Variants in RYR3 observed in about 807,000 individuals in gnomAD.
RYR3 encodes the protein brain ryanodine receptor-calcium release channel.
In RYR3, 207 loss-of-function variants were observed where a neutral mutation model predicts 584.3. The ratio of observed to expected loss-of-function variants is 0.35; its 90% CI spans 0.32 to 0.40. The LOEUF is 0.40. Ranked by LOEUF, RYR3 falls within the 10% of genes least tolerant of loss-of-function variation. The pLI, the probability that RYR3 is intolerant of heterozygous loss-of-function variation, is 1.00. For missense variants in RYR3, 5,616 were observed against 6,089.2 expected (o/e 0.92, Z 2.59); for synonymous variants, 2,416 against 2,248.5 (o/e 1.07, Z -2.11).
intron 7 of RYR3, among the ~76,000 whole-genome samples, chr15:33,543,102 A>G (rs989512210): frequency 3.9e-5 from 6 of 152,124 alleles, no homozygotes; most frequent in African/African-American, 1.4e-4. Flanking sequence ...AGGAGTAGCA[A>G]CCAGATTTGA....
In RYR3 at chr15:33,844,851, T is replaced by C; in HGVS notation, c.13297-11T>C. ...TTGATGTTTAATAAGCGAGTGTGTA[T>C]TTTGAGCCAGGTCACTGAAGAACCT... is the stretch of plus-strand genomic sequence containing the variant. On this transcript the variant is annotated splice_polypyrimidine_tract_variant and intron_variant, in intron 92 of 103. Transcript: ENST00000634891. 6.2e-7 allele frequency: 1 copy of C among 1,612,398 alleles called. No homozygotes were observed. The highest frequency in any genetic ancestry group is 8.5e-7 in the Non-Finnish European group (1 of 1,179,026).
At chr15:33,403,681 CAG>C (rs1451880990) in intron 1 of RYR3, among the ~76,000 whole-genome samples, 1 of 152,064 alleles carries the variant, frequency 6.6e-6, no homozygotes, top group African/African-American at 2.4e-5. Context: ...TAAAATGAAT[CAG>C]ATTTTTTCAG....
At chr15:33,367,715 T>C (rs917970378) in intron 1 of RYR3, among the ~76,000 whole-genome samples, 1 of 152,170 alleles carries the variant, frequency 6.6e-6, no homozygotes, top group Non-Finnish European at 1.5e-5. Flanking sequence ...TTTTATAGCA[T>C]AGTGTGACTA....
intron 87 of RYR3, 34 bp from the exon 88 acceptor site, chr15:33,836,872 G>C (rs367932535): frequency 1.9e-6 from 3 of 1,573,882 alleles, no homozygotes; most frequent in Non-Finnish European, 2.6e-6. Flanking sequence ...TGAGGGATCA[G>C]ATAGCTCAGG....
At chr15:33,809,381 C>T (rs536642112) in intron 70 of RYR3, among the ~76,000 whole-genome samples, 2 of 152,306 alleles carry the variant, frequency 1.3e-5, no homozygotes, top group South Asian at 2.1e-4. Flanking sequence ...CTACCCAGCC[C>T]TCCCCACTTC....
rs1204611593 is a variant in RYR3, at chr15:33,586,028, C to T, written c.1700C>T (p.Thr567Ile). ...GILEVLHCIL[T>I]ESPEALNLIA... is the part of the protein sequence containing the mutation. ...TTGGAAGTTTTGCACTGCATCTTAA[C>T]TGAAAGCCCAGAAGCCTTAAATCTG... is the stretch of plus-strand genomic sequence containing the variant. Residue 567 changes from threonine (T) to isoleucine (I), a missense_variant, in exon 16 of 104, where the codon ACT (threonine) becomes ATT (isoleucine). Thr to Ile is a moderately conservative substitution (Grantham distance 89). Coordinates refer to ENST00000634891, the MANE Select transcript of RYR3 (RefSeq NM_001036.6). 3.1e-6 allele frequency: 5 copies of T among 1,613,114 alleles called. No individual in the cohort carries two copies. The African/African-American group carries it at 6.7e-5, about 22-fold the overall frequency.
chr15:33,813,018 A>AT lies in RYR3; in HGVS notation c.10389+25dup, dbSNP rs771944383. The AT allele has an allele frequency of 6.8e-6, 11 of 1,613,236 alleles. No individual in the cohort carries two copies. The African/African-American group carries it at 1.3e-4, about 20-fold the overall frequency. ...AGGTAAGGAGCATCTGCCCTGAGGA[A>AT]TGGGGAAGCAGAAACACCCTGGACC... On this transcript the variant is annotated intron_variant, in intron 73 of 103. Transcript: ENST00000634891.
At chr15:33,509,610 G>C (rs925139551) in intron 3 of RYR3, among the ~76,000 whole-genome samples, 4 of 152,164 alleles carry the variant, frequency 2.6e-5, no homozygotes, top group African/African-American at 9.7e-5. Flanking sequence ...CACTTCAGGA[G>C]AGTTCATAAG....
chr15:33,482,035 C>T (rs912923082), intron 2 of RYR3, among the ~76,000 whole-genome samples: 1 of 151,972 alleles, frequency 6.6e-6, no homozygotes, highest in African/African-American at 2.4e-5. Flanking sequence ...TTTCAGTGCT[C>T]TTTTTTTCTC....
rs2049748129 is a variant in RYR3 at position 33,479,425 on chromosome 15, T to A, written c.171+5887T>A. Reference sequence around the variant, plus strand: ...ATGAAAGACCAGGCTATTATAAAACTTTAAAAAAAAAAAACTCCCTTATCA... The same window carrying A: ...ATGAAAGACCAGGCTATTATAAAACATTAAAAAAAAAAAACTCCCTTATCA... On this transcript the variant is annotated intron_variant, in intron 2 of 103. Transcript: ENST00000634891. 4.8e-5 allele frequency among the ~76,000 whole-genome samples: 5 copies of A among 104,988 alleles called. No individual in the cohort carries two copies. In the South Asian group the frequency reaches 1.2e-3, roughly 26 times the overall value. The allele number at this position is 104,988 out of a possible 152,430, so 68.9% of individuals were successfully genotyped here. A position where few individuals can be genotyped will look rare whatever the true frequency, so the allele number is the denominator to read the frequency against.
At chr15:33,665,766 C>A (rs1188020347) in intron 36 of RYR3, among the ~76,000 whole-genome samples, 1 of 152,242 alleles carries the variant, frequency 6.6e-6, no homozygotes, top group Non-Finnish European at 1.5e-5. Context: ...GCATTTGGCA[C>A]AGTGCAAATA....
intron 6 of RYR3, among the ~76,000 whole-genome samples, chr15:33,540,025 C>G (rs937353848): frequency 1.4e-4 from 22 of 151,882 alleles, no homozygotes; most frequent in Non-Finnish European, 1.0e-4. Flanking sequence ...CAACTGCACT[C>G]GAGGGATGAT....
intron 22 of RYR3, among the ~76,000 whole-genome samples, 169 bp from the exon 23 acceptor site, chr15:33,631,039 ATG>A (rs1384374942): frequency 6.6e-6 from 1 of 152,168 alleles, no homozygotes; most frequent in Non-Finnish European, 1.5e-5. Context: ...ACAGAGACAT[ATG>A]GCTCACAAAG....
intron 98 of RYR3, 89 bp from the exon 99 acceptor site, chr15:33,857,691 T>C (rs996448272): frequency 6.5e-7 from 1 of 1,535,184 alleles, no homozygotes; most frequent in African/African-American, 1.4e-5. Context: ...GTCCTCACTC[T>C]TCCTCCTCGT....
chr15:33,586,966 C>T (rs2058881911), intron 16 of RYR3, among the ~76,000 whole-genome samples: 1 of 152,084 alleles, frequency 6.6e-6, no homozygotes, highest in Non-Finnish European at 1.5e-5. Context: ...AGCTGTGCTT[C>T]TACAGAGTGG....
At chr15:33,437,537 G>A (rs2045844780) in intron 1 of RYR3, among the ~76,000 whole-genome samples, 1 of 152,172 alleles carries the variant, frequency 6.6e-6, no homozygotes, top group African/African-American at 2.4e-5. Context: ...ACTCTTACCT[G>A]AAAGGAGGCT....
At chr15:33,750,461 A>G (rs2071171037) in intron 57 of RYR3, among the ~76,000 whole-genome samples, 175 bp downstream of exon 57, 2 of 152,252 alleles carry the variant, frequency 1.3e-5, no homozygotes, top group Non-Finnish European at 2.9e-5. Flanking sequence ...AATGTTAGGT[A>G]TTAATTTTTA....
At chr15:33,628,618 C>G in intron 21 of RYR3, 43 bp downstream of exon 21, 1 of 1,267,996 alleles carries the variant, frequency 7.9e-7, no homozygotes, top group Non-Finnish European at 1.2e-6. Flanking sequence ...GTGGGATTGC[C>G]TTGTTGCCTG....
At chr15:33,583,709 C>G (rs1203360219) in intron 14 of RYR3, among the ~76,000 whole-genome samples, 1 of 152,116 alleles carries the variant, frequency 6.6e-6, no homozygotes, top group East Asian at 1.9e-4. Flanking sequence ...TCAATTGACG[C>G]CAAGAGTTCA....
Sources: allele counts gnomAD v4.1 joint callset (sites outside exome capture counted in the v4.1 genomes callset), GRCh38; gene constraint gnomAD v4.1.1; transcripts MANE v1.5; gene names NCBI Gene and HGNC (gene_info 2026-07-23, HGNC 2026-07-21).